Variants in NCOA2 observed in about 807,000 individuals in gnomAD.
The protein encoded by NCOA2 is class E basic helix-loop-helix protein 75.
Under a neutral mutation model 145.1 loss-of-function variants are expected in NCOA2, and 21 were observed. The observed-to-expected ratio is 0.14, with a 90% CI of 0.10 to 0.21. The LOEUF (loss-of-function observed/expected upper bound fraction) is 0.21, where lower values mean the gene tolerates loss of function less well. Ranked by LOEUF, NCOA2 falls within the 10% of genes least tolerant of loss-of-function variation. The pLI, the probability that NCOA2 is intolerant of heterozygous loss-of-function variation, is 1.00. For missense variants in NCOA2, 1,472 were observed against 1,837.6 expected (o/e 0.80, Z 3.64); for synonymous variants, 619 against 637.5 (o/e 0.97, Z 0.44).
intron 4 of NCOA2, among the ~76,000 whole-genome samples, chr8:70,193,747 G>A (rs924294027): frequency 1.3e-5 from 2 of 152,156 alleles, no homozygotes; most frequent in Non-Finnish European, 2.9e-5. Flanking sequence ...GGTGGTATGC[G>A]CATGCCCATC....
At chr8:70,282,813 G>T (rs561305322) in intron 2 of NCOA2, among the ~76,000 whole-genome samples, 1 of 152,172 alleles carries the variant, frequency 6.6e-6, no homozygotes, top group East Asian at 1.9e-4. Context: ...TACTACTAGG[G>T]TTGGTGTAAT....
At chr8:70,297,232 G>C (rs552483499) in intron 1 of NCOA2, among the ~76,000 whole-genome samples, 2 of 140,578 alleles carry the variant, frequency 1.4e-5, no homozygotes, top group African/African-American at 3.3e-5. Flanking sequence ...AATAAATAAA[G>C]AAAGTTCCCA....
chr8:70,123,415 G>A (rs1175973343), intron 21 of NCOA2, among the ~76,000 whole-genome samples: 2 of 152,188 alleles, frequency 1.3e-5, no homozygotes, highest in Admixed American at 1.3e-4. Context: ...CTACCCAGGA[G>A]GCTGAGGTGG....
At chr8:70,298,299 A>C (rs554584506) in intron 1 of NCOA2, among the ~76,000 whole-genome samples, 39 of 152,336 alleles carry the variant, frequency 2.6e-4, no homozygotes, top group African/African-American at 9.1e-4. Context: ...TACAGGGGAG[A>C]GAAACAGAAA....
At chr8:70,361,465 C>T (rs1810192970) in intron 1 of NCOA2, among the ~76,000 whole-genome samples, 2 of 150,466 alleles carry the variant, frequency 1.3e-5, no homozygotes, top group Non-Finnish European at 3.0e-5. Context: ...AACAAAACTC[C>T]GTCTCAAAAA....
intron 4 of NCOA2, among the ~76,000 whole-genome samples, chr8:70,193,931 C>CT (rs1056957931): frequency 8.0e-4 from 122 of 152,310 alleles, no homozygotes; most frequent in African/African-American, 2.8e-3. Context: ...GAAGCAGCAC[C>CT]ACGCTGATAT....
chr8:70,286,802 T>C (rs1826263464), intron 2 of NCOA2, among the ~76,000 whole-genome samples: 2 of 152,128 alleles, frequency 1.3e-5, no homozygotes, highest in African/African-American at 2.4e-5. Flanking sequence ...CCCCTATATA[T>C]ATTTAAAACA....
At chr8:70,455,668 C>T in the NCOA2 span, among the ~76,000 whole-genome samples, 1 of 150,856 alleles carries the variant, frequency 6.6e-6, no homozygotes, top group Non-Finnish European at 1.5e-5. Flanking sequence ...CAACGCGAGT[C>T]CTTCATTTTT....
In NCOA2 at chr8:70,163,526, G is replaced by A. The variant is rs770652182; in HGVS notation, c.771C>T (p.Pro257=). 1.9e-6 allele frequency: 3 copies of A among 1,613,752 alleles called. No individual in the cohort carries two copies. The highest frequency in any genetic ancestry group is 2.2e-5 in the East Asian group (1 of 44,882). Residue 257 remains proline (P), a synonymous_variant, in exon 8 of 23, where the codon CCC becomes CCT. Transcript: ENST00000452400. ...SCLICVARRV[P]MKERPVLPSS... ...AGGGAAGAACTGGTCTTTCCTTCATGGGAACTCTTCTTGCCACGCAAATCA... is the reference window on the plus strand; with the variant it reads ...AGGGAAGAACTGGTCTTTCCTTCATAGGAACTCTTCTTGCCACGCAAATCA...
chr8:70,247,034 A>G (rs1822691264), intron 2 of NCOA2, among the ~76,000 whole-genome samples: 1 of 152,206 alleles, frequency 6.6e-6, no homozygotes, highest in Admixed American at 6.5e-5. Context: ...AAGTTCTCAG[A>G]ACTCAAAGAA....
chr8:70,336,204 TAA>T (rs1446107973), intron 1 of NCOA2, among the ~76,000 whole-genome samples: 2 of 152,174 alleles, frequency 1.3e-5, no homozygotes, highest in Non-Finnish European at 2.9e-5. Flanking sequence ...TGCACTGGGC[TAA>T]GACATACTGA....
chr8:70,362,054 T>C (rs1268124324), intron 1 of NCOA2, among the ~76,000 whole-genome samples: 1 of 152,216 alleles, frequency 6.6e-6, no homozygotes, highest in Non-Finnish European at 1.5e-5. Flanking sequence ...ATTTCCTCCA[T>C]ACAGCTGCAT....
At chr8:70,443,742 C>CT in the NCOA2 span, among the ~76,000 whole-genome samples, 7 of 151,340 alleles carry the variant, frequency 4.6e-5, no homozygotes, top group East Asian at 3.9e-4. Context: ...ATAAAAAAAA[C>CT]TTTTTTTTTG....
At chr8:70,299,145 C>T (rs529085966) in intron 1 of NCOA2, among the ~76,000 whole-genome samples, 28 of 152,180 alleles carry the variant, frequency 1.8e-4, no homozygotes, top group African/African-American at 6.5e-4. Flanking sequence ...CATCTAGATA[C>T]CTTGGTGTAA....
chr8:70,179,438 G>C (rs1815231852), intron 4 of NCOA2, among the ~76,000 whole-genome samples: 1 of 152,136 alleles, frequency 6.6e-6, no homozygotes, highest in South Asian at 2.1e-4. Flanking sequence ...GGGAGGAAGG[G>C]AGGAGGAAAA....
intron 1 of NCOA2, among the ~76,000 whole-genome samples, chr8:70,321,189 A>G (rs997656821): frequency 6.6e-5 from 10 of 152,222 alleles, no homozygotes; most frequent in Non-Finnish European, 1.5e-5. Flanking sequence ...TGGAAAGTAT[A>G]GTTAACAACA....
At chr8:70,206,713 A>G (rs985093894) in intron 4 of NCOA2, among the ~76,000 whole-genome samples, 1 of 152,060 alleles carries the variant, frequency 6.6e-6, no homozygotes, top group African/African-American at 2.4e-5. Context: ...TCTAGCTCTG[A>G]CTTGCCCTTT....
intron 2 of NCOA2, among the ~76,000 whole-genome samples, chr8:70,276,306 T>C (rs1205892625): frequency 6.6e-6 from 1 of 152,006 alleles, no homozygotes; most frequent in African/African-American, 2.4e-5. Context: ...GATTCCAAGA[T>C]GAGAAACTTG....
chr8:70,252,180 T>A (rs1434079043), intron 2 of NCOA2, among the ~76,000 whole-genome samples: 1 of 152,220 alleles, frequency 6.6e-6, no homozygotes, highest in East Asian at 1.9e-4. Flanking sequence ...TGAATGTGCC[T>A]AGCTTTAGAA....
Sources: allele counts gnomAD v4.1 joint callset (sites outside exome capture counted in the v4.1 genomes callset), GRCh38; gene constraint gnomAD v4.1.1; transcripts MANE v1.5; gene names NCBI Gene and HGNC (gene_info 2026-07-23, HGNC 2026-07-21).